Variants in CSMD3 observed in about 807,000 individuals in gnomAD.
CSMD3 encodes CUB and Sushi multiple domains 3, also known as CUB and sushi domain-containing protein 3.
In CSMD3, 177 loss-of-function variants were observed where a neutral mutation model predicts 435.2. The ratio of observed to expected loss-of-function variants is 0.41; its 90% CI spans 0.36 to 0.46. CSMD3 has a LOEUF of 0.46. CSMD3 is among the 20% of genes least tolerant of loss of function. The pLI, the probability that CSMD3 is intolerant of heterozygous loss-of-function variation, is 0.34. For synonymous variants in CSMD3, 1,656 were observed against 1,520.5 expected, an observed-to-expected ratio of 1.09 and a Z score of -2.07; for missense variants, 4,265 against 4,504.6, an observed-to-expected ratio of 0.95 and a Z score of 1.52.
rs188525011 is a variant in CSMD3, at chr8:112,921,894, A to G, written c.1509-143T>C. The G allele has an allele frequency of 5.1e-5, 35 of 682,376 alleles. No individual in the cohort carries two copies. The East Asian group carries it at 9.3e-4, about 18-fold the overall frequency. The allele number at this position is 682,376 out of a possible 1,614,324, so 42.3% of individuals were successfully genotyped here. ...TTGGAAAACAAAATGTGAAAGTATG[A>G]CTTGTAGAAATGTAAAGCTATCATC... On this transcript the variant is annotated intron_variant, in intron 9 of 70. Coordinates refer to ENST00000297405, the MANE Select transcript of CSMD3 (RefSeq NM_198123.2).
In CSMD3 at chr8:112,306,114, G is replaced by C. The variant is rs371771248; in HGVS notation, c.7964C>G (p.Thr2655Ser). Residue 2655 changes from threonine (T) to serine (S), a missense_variant, in exon 51 of 71, where the codon ACC becomes AGC. Around this residue, in one of 3 missense-constraint regions of CSMD3, gnomAD observed 3,255 missense variants for 3,380.2 expected, o/e 0.96. Transcript: ENST00000297405. The part of the protein sequence containing the change: ...TTDYLVGTRV[T>S]YFCNDGYRLS... ...TCGATATCCATCATTACAAAAATAG[G>C]TAACTCGCGTTCCTACCAAATAGTC... The C allele has an allele frequency of 1.2e-6, 2 of 1,613,064 alleles. No individual in the cohort carries two copies. The highest frequency in any genetic ancestry group is 1.3e-5 in the African/African-American group (1 of 74,882).
intron 41 of CSMD3, among the ~76,000 whole-genome samples, chr8:112,343,561 C>T (rs996449023): frequency 1.3e-5 from 2 of 152,146 alleles, no homozygotes; most frequent in Admixed American, 6.5e-5. Context: ...CTACTTGTTA[C>T]CTTGTTTACC....
chr8:113,044,213 A>G (rs1445778701), intron 5 of CSMD3, among the ~76,000 whole-genome samples: 1 of 152,096 alleles, frequency 6.6e-6, no homozygotes, highest in Non-Finnish European at 1.5e-5. Flanking sequence ...GGATAGTTGG[A>G]AGTTTTACAA....
At chr8:112,692,911 TTATATCTATCTA>T (rs1199523980) in intron 13 of CSMD3, among the ~76,000 whole-genome samples, 154 of 144,198 alleles carry the variant, frequency 1.1e-3, no homozygotes, top group Admixed American at 4.5e-3. Flanking sequence ...AAATTAATCT[TTATATCTATCTA>T]TCTATCTATC....
chr8:112,469,500 C>T (rs533334530), intron 32 of CSMD3, among the ~76,000 whole-genome samples: 58 of 152,188 alleles, frequency 3.8e-4, no homozygotes, highest in African/African-American at 1.3e-3. Flanking sequence ...CTTTTTGGCA[C>T]GAGGGACAGG....
At chr8:112,518,273 A>G (rs1418606190) in intron 27 of CSMD3, among the ~76,000 whole-genome samples, 1 of 151,916 alleles carries the variant, frequency 6.6e-6, no homozygotes, top group Non-Finnish European at 1.5e-5. Flanking sequence ...CATCAAGGCA[A>G]GAGGATTTCT....
At chr8:112,478,210 GT>G (rs555001611) in intron 31 of CSMD3, among the ~76,000 whole-genome samples, 25 of 152,308 alleles carry the variant, frequency 1.6e-4, no homozygotes, top group Non-Finnish European at 3.4e-4. Context: ...TTTATCAGCA[GT>G]GTGAAAACGG....
intron 24 of CSMD3, among the ~76,000 whole-genome samples, chr8:112,568,708 C>G (rs1829263199): frequency 6.6e-6 from 1 of 152,162 alleles, no homozygotes; most frequent in African/African-American, 2.4e-5. Flanking sequence ...TCACAGTCTT[C>G]TTAGCATAGT....
chr8:112,875,505 A>C (rs1197410059), intron 10 of CSMD3, among the ~76,000 whole-genome samples: 2 of 152,076 alleles, frequency 1.3e-5, no homozygotes, highest in African/African-American at 2.4e-5. Flanking sequence ...TAATACCCTG[A>C]AGAGTGTTTT....
intron 15 of CSMD3, 151 bp downstream of exon 15, chr8:112,685,255 A>T: frequency 1.6e-6 from 1 of 633,730 alleles, no homozygotes; most frequent in Non-Finnish European, 2.7e-6. Flanking sequence ...TTGGAAATGA[A>T]GGAAGAAATG....
intron 59 of CSMD3, among the ~76,000 whole-genome samples, chr8:112,279,502 C>A (rs1231141022): frequency 2.0e-5 from 3 of 152,138 alleles, no homozygotes; most frequent in Admixed American, 6.6e-5. Context: ...CATTTACAAT[C>A]AGCTTGGTAA....
intron 19 of CSMD3, among the ~76,000 whole-genome samples, chr8:112,648,392 C>T (rs1307892568): frequency 6.6e-6 from 1 of 151,910 alleles, no homozygotes; most frequent in Non-Finnish European, 1.5e-5. Context: ...AAAGAGGAGG[C>T]CAGGTTATAA....
chr8:112,904,222 G>A (rs749582849), intron 10 of CSMD3, among the ~76,000 whole-genome samples: 7 of 151,368 alleles, frequency 4.6e-5, no homozygotes, highest in Non-Finnish European at 1.0e-4. Flanking sequence ...GTACAGCGCG[G>A]TGACTATGGT....
At chr8:113,220,462 A>G (rs2092953875) in intron 3 of CSMD3, among the ~76,000 whole-genome samples, 1 of 151,414 alleles carries the variant, frequency 6.6e-6, no homozygotes, top group Non-Finnish European at 1.5e-5. Flanking sequence ...CCAAAATATT[A>G]AATGTATTAA....
intron 13 of CSMD3, among the ~76,000 whole-genome samples, chr8:112,787,083 A>G (rs1421772393): frequency 6.6e-6 from 1 of 152,130 alleles, no homozygotes; most frequent in Non-Finnish European, 1.5e-5. Flanking sequence ...TTGTGGCTGC[A>G]TAGTATTCCA....
At chr8:112,547,799 A>T (rs1483963117) in intron 27 of CSMD3, among the ~76,000 whole-genome samples, 3 of 152,220 alleles carry the variant, frequency 2.0e-5, no homozygotes, top group East Asian at 1.9e-4. Context: ...AGAGAGAGAG[A>T]GTGTATGAAA....
chr8:113,100,291 A>G (rs2090290987), intron 4 of CSMD3, among the ~76,000 whole-genome samples: 1 of 152,070 alleles, frequency 6.6e-6, no homozygotes, highest in Non-Finnish European at 1.5e-5. Flanking sequence ...AACTGAAATG[A>G]ACTAGTTGTC....
intron 25 of CSMD3, among the ~76,000 whole-genome samples, chr8:112,554,434 CT>C (rs1341983588): frequency 6.6e-6 from 1 of 151,790 alleles, no homozygotes; most frequent in Non-Finnish European, 1.5e-5. Flanking sequence ...AACAAAAATT[CT>C]TTTGGACAAT....
intron 32 of CSMD3, among the ~76,000 whole-genome samples, chr8:112,459,392 G>A (rs1485581054): frequency 6.6e-6 from 1 of 151,276 alleles, no homozygotes; most frequent in Non-Finnish European, 1.5e-5. Context: ...ATGTTTACAA[G>A]GTAATTCTCA....
Sources: allele counts gnomAD v4.1 joint callset (sites outside exome capture counted in the v4.1 genomes callset), GRCh38; gene constraint gnomAD v4.1.1; regional missense constraint gnomAD v4.1.1; transcripts MANE v1.5; gene names NCBI Gene and HGNC (gene_info 2026-07-23, HGNC 2026-07-21).